Variants in YME1L1 observed in about 807,000 individuals in gnomAD.
YME1L1 encodes the protein ATP-dependent zinc metalloprotease YME1L1.
YME1L1 carries 39 observed loss-of-function variants against 90.4 expected under a neutral mutation model. The observed-to-expected ratio is 0.43, with a 90% CI of 0.33 to 0.56. The LOEUF is 0.56. Ranked by LOEUF, YME1L1 falls within the 20% of genes least tolerant of loss-of-function variation. The pLI is 0.03. For missense variants in YME1L1, 617 were observed against 868.4 expected (o/e 0.71, Z 3.64); for synonymous variants, 284 against 287.3 (o/e 0.99, Z 0.12).
At chr10:27,113,949 A>AT (rs903103650) in intron 18 of YME1L1, among the ~76,000 whole-genome samples, 37 of 150,862 alleles carry the variant, frequency 2.5e-4, no homozygotes, top group South Asian at 1.3e-3. Flanking sequence ...ATGAGACTCC[A>AT]TAAAAAAAAA....
intron 11 of YME1L1, 97 bp from the exon 12 acceptor site, chr10:27,121,545 G>T: frequency 1.2e-6 from 1 of 861,810 alleles, no homozygotes; most frequent in Non-Finnish European, 1.9e-6. Flanking sequence ...CTTTTTTTGA[G>T]ACTAGGACTC....
At chr10:27,113,672 C>CA (rs373714641) in intron 18 of YME1L1, among the ~76,000 whole-genome samples, 3,363 of 73,786 alleles carry the variant, frequency 0.046, 53 homozygotes, top group East Asian at 0.094. Context: ...AACTCTGTCT[C>CA]AAAAAAAAAA....
intron 6 of YME1L1, among the ~76,000 whole-genome samples, 169 bp from the exon 7 acceptor site, chr10:27,134,291 CA>C (rs1167142085): frequency 1.3e-5 from 2 of 152,160 alleles, no homozygotes; most frequent in African/African-American, 4.8e-5. Flanking sequence ...ACCCTATTAT[CA>C]AAAACTTAAG....
intron 4 of YME1L1, among the ~76,000 whole-genome samples, 172 bp downstream of exon 4, chr10:27,142,215 T>G (rs1335848974): frequency 1.3e-5 from 2 of 152,198 alleles, no homozygotes; most frequent in Non-Finnish European, 2.9e-5. Flanking sequence ...AGCTCCTATA[T>G]ATTTTCCAGA....
intron 9 of YME1L1, among the ~76,000 whole-genome samples, chr10:27,124,836 C>T (rs2056900821): frequency 6.6e-6 from 1 of 152,040 alleles, no homozygotes; most frequent in East Asian, 1.9e-4. Context: ...CCAGTGTTTT[C>T]TCATGATTGT....
In YME1L1 at chr10:27,116,318, A is replaced by G; in HGVS notation, c.1747T>C (p.Trp583Arg). The change falls in exon 16 of 19, where the codon TGG becomes CGG. Residue 583 changes from tryptophan (W) to arginine (R), a missense_variant. By Grantham distance (101) the Trp-to-Arg change is moderately radical. Coordinates refer to ENST00000376016, the MANE Select transcript of YME1L1 (RefSeq NM_014263.4). ...AGCAGCTGGGCTCTAGTTTCATTCC[A>G]TCTGTCATTCTCAGGTAACAGGGAC... ...HVSLLPENDRWNETRAQLLAQ... is the reference protein window; with the variant it reads ...HVSLLPENDRRNETRAQLLAQ... 1 of 1,614,122 alleles carries G rather than the reference A, an allele frequency of 6.2e-7. No homozygotes were observed. Among genetic ancestry groups the G allele is most frequent in the Non-Finnish European group, 8.5e-7 (1 of 1,180,026 alleles).
rs747979874 is a variant in YME1L1 at position 27,117,615 on chromosome 10, G to A, written c.1680C>T (p.Asn560=). The A allele has an allele frequency of 2.1e-5, 34 of 1,614,024 alleles. No individual in the cohort carries two copies. The highest frequency in any genetic ancestry group is 1.4e-5 in the Non-Finnish European group (17 of 1,180,052). Residue 560 remains asparagine (N), a synonymous_variant, in exon 15 of 19, where the codon AAC becomes AAT. Coordinates refer to ENST00000376016, the MANE Select transcript of YME1L1 (RefSeq NM_014263.4). ...GCCCCCGTGGCATGATTGTAGCTTT[G>A]TTGATAGGCATTGCATCTTTTGTGT... ...AYYTKDAMPI[N]KATIMPRGPT...
At chr10:27,145,254 C>T (rs756234150) in intron 3 of YME1L1, among the ~76,000 whole-genome samples, 174 bp downstream of exon 3, 1 of 149,748 alleles carries the variant, frequency 6.7e-6, no homozygotes, top group Non-Finnish European at 1.5e-5. Context: ...TGCAACTTTC[C>T]TGTAAATCTG....
In YME1L1 at chr10:27,116,151, C is replaced by T. The variant is rs1377369477; in HGVS notation, c.1847-18G>A. The T allele has an allele frequency of 1.8e-5, 29 of 1,613,424 alleles. No individual in the cohort carries two copies. Among genetic ancestry groups the T allele is most frequent in the Non-Finnish European group, 2.5e-5 (29 of 1,179,766 alleles). ...GGAAGCACCTAAAATAAAATAAAAA[C>T]ATACCATTTTAAAACATATCTTTAA... is the stretch of plus-strand genomic sequence containing the variant. On this transcript the variant is annotated intron_variant, in intron 16 of 18. Transcript: ENST00000376016.
intron 4 of YME1L1, among the ~76,000 whole-genome samples, chr10:27,137,457 G>C (rs1418566970): frequency 1.3e-5 from 2 of 152,122 alleles, no homozygotes; most frequent in East Asian, 3.8e-4. Context: ...ATGTATGTCA[G>C]CAGATGTAGA....
intron 1 of YME1L1, 111 bp downstream of exon 1, chr10:27,154,067 A>C: frequency 7.3e-7 from 1 of 1,368,118 alleles, no homozygotes; most frequent in Non-Finnish European, 1.0e-6. Context: ...CGCATTGAGT[A>C]CATCACTTCA....
At position 27,123,687 on chromosome 10, in the gene YME1L1, A is replaced by C; in HGVS notation, c.962T>G (p.Val321Gly). 6.3e-7 allele frequency: 1 copy of C among 1,597,012 alleles called. No homozygotes were observed. Among genetic ancestry groups the C allele is most frequent in the Non-Finnish European group, 8.5e-7 (1 of 1,174,456 alleles). Residue 321 changes from valine (V) to glycine (G), a missense_variant, in exon 10 of 19, where the codon GTT becomes GGT. Physicochemically the swap from Val to Gly is moderately radical, Grantham distance 109. Coordinates refer to ENST00000376016, the MANE Select transcript of YME1L1 (RefSeq NM_014263.4). ...GGKLPKGILL[V>G]GPPGTGKTLL... ...TGTCTTTCCAGTCCCTGGGGGTCCA[A>C]CTAAAAGAATTCCTAAAAGAAAATG...
Position 27,121,255 on chromosome 10 carries a change from AT to A in YME1L1, c.1298+130del, listed in dbSNP as rs1344756052. 1.7e-5 allele frequency: 11 copies of A among 653,198 alleles called. No individual in the cohort carries two copies. In the African/African-American group the frequency reaches 2.0e-4, roughly 12 times the overall value. 40.5% of individuals were successfully genotyped at this position (653,198 alleles called of 1,614,324 possible). On this transcript the variant is annotated intron_variant, in intron 12 of 18. Coordinates refer to ENST00000376016, the MANE Select transcript of YME1L1 (RefSeq NM_014263.4). ...CCGCTAACCCAATTTGTCTCTGTGA[AT>A]TTGCTTATTCTGGATATTGCATATA...
At chr10:27,114,051 C>A (rs1003971814) in intron 18 of YME1L1, among the ~76,000 whole-genome samples, 1 of 151,752 alleles carries the variant, frequency 6.6e-6, no homozygotes, top group Non-Finnish European at 1.5e-5. Context: ...AGCTAAAGTA[C>A]AATTGAATTT....
At chr10:27,114,725 A>C (rs2056794196) in intron 17 of YME1L1, 118 bp from the exon 18 acceptor site, 1 of 666,398 alleles carries the variant, frequency 1.5e-6, no homozygotes, top group East Asian at 3.0e-5. Flanking sequence ...AGAAAGAAGT[A>C]CAATAGAAAA....
At chr10:27,136,113 A>G (rs1156334175) in intron 5 of YME1L1, among the ~76,000 whole-genome samples, 163 bp downstream of exon 5, 2 of 152,214 alleles carry the variant, frequency 1.3e-5, no homozygotes, top group African/African-American at 4.8e-5. Flanking sequence ...TCTGGTGCCC[A>G]GAAGAGTTAG....
intron 7 of YME1L1, 78 bp from the exon 8 acceptor site, chr10:27,132,019 G>C (rs2056982216): frequency 8.5e-7 from 1 of 1,183,050 alleles, no homozygotes; most frequent in African/African-American, 1.5e-5. Flanking sequence ...ATGCAAGAAA[G>C]CAAAGCCTAG....
At chr10:27,147,659 T>C (rs1479091690) in intron 2 of YME1L1, 2 of 1,550,922 alleles carry the variant, frequency 1.3e-6, no homozygotes, top group Admixed American at 2.0e-5. Context: ...AGGAAGTCAC[T>C]GAACATACAC....
intron 1 of YME1L1, among the ~76,000 whole-genome samples, chr10:27,152,070 T>C (rs2057226317): frequency 6.6e-6 from 1 of 152,022 alleles, no homozygotes; most frequent in African/African-American, 2.4e-5. Context: ...AGTGAAGCAA[T>C]GTATCATTTT....
Sources: allele counts gnomAD v4.1 joint callset (sites outside exome capture counted in the v4.1 genomes callset), GRCh38; gene constraint gnomAD v4.1.1; transcripts MANE v1.5; gene names NCBI Gene and HGNC (gene_info 2026-07-23, HGNC 2026-07-21).